The following CTNNA3 variants were observed in gnomAD, a reference collection of about 807,000 sequenced individuals.
CTNNA3 encodes catenin alpha-3.
CTNNA3 carries 76 observed loss-of-function variants against 95.7 expected under a neutral mutation model. That is an observed-to-expected ratio of 0.79 (90% CI 0.66 to 0.96). The LOEUF is 0.96. Among genes scored for constraint, CTNNA3 ranks in the 40% least tolerant of loss-of-function variants. The pLI is 0.00. For synonymous variants in CTNNA3, 431 were observed against 374.4 expected (o/e 1.15, Z -1.74); for missense variants, 1,191 against 1,089.8 (o/e 1.09, Z -1.31).
intron 7 of CTNNA3, among the ~76,000 whole-genome samples, chr10:66,858,951 T>C (rs1254415332): frequency 1.3e-5 from 2 of 152,070 alleles, no homozygotes; most frequent in African/African-American, 4.8e-5. Context: ...AAAAACTGCA[T>C]TCCAGATTGT....
intron 3 of CTNNA3, among the ~76,000 whole-genome samples, chr10:67,597,241 A>G (rs913421168): frequency 2.6e-5 from 4 of 152,184 alleles, no homozygotes; most frequent in Non-Finnish European, 5.9e-5. Context: ...TTGCCATCCA[A>G]ATTCTGAATT....
chr10:66,646,606 C>A (rs1381488485), intron 9 of CTNNA3, among the ~76,000 whole-genome samples: 1 of 152,110 alleles, frequency 6.6e-6, no homozygotes, highest in African/African-American at 2.4e-5. Flanking sequence ...TTAAGGTATA[C>A]TCTAAATTGC....
intron 7 of CTNNA3, among the ~76,000 whole-genome samples, chr10:67,087,859 T>C (rs555107787): frequency 6.6e-6 from 1 of 152,236 alleles, no homozygotes; most frequent in East Asian, 1.9e-4. Flanking sequence ...CAAGTATTCA[T>C]TCATTCAATA....
At chr10:67,342,843 C>T (rs1399030019) in intron 5 of CTNNA3, among the ~76,000 whole-genome samples, 2 of 152,156 alleles carry the variant, frequency 1.3e-5, no homozygotes, top group Non-Finnish European at 2.9e-5. Flanking sequence ...GTTACTATAG[C>T]TCTGTAGTAA....
intron 9 of CTNNA3, among the ~76,000 whole-genome samples, chr10:66,754,176 G>T (rs56410658): frequency 4.7e-4 from 71 of 152,274 alleles, no homozygotes; most frequent in Non-Finnish European, 9.9e-4. Context: ...CTGGCATAAA[G>T]GTTGACATAT....
chr10:67,339,881 AT>A (rs1383482295), intron 5 of CTNNA3, among the ~76,000 whole-genome samples: 1 of 152,172 alleles, frequency 6.6e-6, no homozygotes, highest in African/African-American at 2.4e-5. Context: ...CAGTTGGAAT[AT>A]GATGTTTATT....
chr10:66,032,752 T>C (rs1213650557), intron 15 of CTNNA3, among the ~76,000 whole-genome samples: 2 of 152,190 alleles, frequency 1.3e-5, no homozygotes, highest in African/African-American at 4.8e-5. Flanking sequence ...ATCATTTGTT[T>C]CATGAAATAT....
chr10:67,036,821 T>C (rs1488359707), intron 7 of CTNNA3, among the ~76,000 whole-genome samples: 1 of 151,832 alleles, frequency 6.6e-6, no homozygotes, highest in Non-Finnish European at 1.5e-5. Context: ...TAATTCTAAC[T>C]CTGGGAAATG....
chr10:67,334,904 T>G (rs1841933159), intron 5 of CTNNA3: 1 of 157,530 alleles, frequency 6.3e-6, no homozygotes, highest in Non-Finnish European at 1.4e-5. Flanking sequence ...ACTGTTGAGT[T>G]TTCTGTGCAC....
chr10:66,309,926 TAAATA>T (rs1214110736), intron 12 of CTNNA3, among the ~76,000 whole-genome samples: 1 of 109,098 alleles, frequency 9.2e-6, no homozygotes, highest in Non-Finnish European at 2.1e-5. Flanking sequence ...AATAAATAAA[TAAATA>T]AATAAATAAA....
At chr10:67,628,488 T>C (rs1839031864) in intron 2 of CTNNA3, among the ~76,000 whole-genome samples, 1 of 152,142 alleles carries the variant, frequency 6.6e-6, no homozygotes, top group Admixed American at 6.5e-5. Context: ...ACCTTCAAAT[T>C]CTAAAGTAAG....
intron 5 of CTNNA3, among the ~76,000 whole-genome samples, chr10:67,309,625 G>A (rs1295677542): frequency 4.6e-5 from 7 of 152,174 alleles, no homozygotes; most frequent in South Asian, 2.1e-4. Context: ...GAAAGAAGTC[G>A]TTATTATGTT....
At chr10:66,186,639 G>T (rs1274696844) in intron 13 of CTNNA3, among the ~76,000 whole-genome samples, 3 of 152,040 alleles carry the variant, frequency 2.0e-5, no homozygotes, top group African/African-American at 7.2e-5. Context: ...CTGAACTCAG[G>T]TTATTGTCAA....
chr10:66,145,110 T>C (rs994918886), intron 13 of CTNNA3, among the ~76,000 whole-genome samples: 1 of 152,164 alleles, frequency 6.6e-6, no homozygotes, highest in East Asian at 1.9e-4. Context: ...GACATCTTCA[T>C]TCATAAAGGA....
chr10:67,146,569 T>A (rs917897476), intron 7 of CTNNA3, among the ~76,000 whole-genome samples: 5 of 152,198 alleles, frequency 3.3e-5, no homozygotes, highest in African/African-American at 1.2e-4. Flanking sequence ...CAGTTAGTAA[T>A]CATTTGGGAC....
chr10:66,710,892 T>C (rs1196112672), intron 9 of CTNNA3, among the ~76,000 whole-genome samples: 1 of 152,072 alleles, frequency 6.6e-6, no homozygotes, highest in Non-Finnish European at 1.5e-5. Context: ...ATCAGGTATG[T>C]TGCAAATAAT....
chr10:66,295,189 C>CATT (rs35530010), intron 12 of CTNNA3, among the ~76,000 whole-genome samples: 19,972 of 152,082 alleles, frequency 0.13, 1,461 homozygotes, highest in East Asian at 0.28. Flanking sequence ...TATTTATTGA[C>CATT]ATTATTATTA....
At chr10:66,430,581 C>G (rs564456494) in intron 11 of CTNNA3, among the ~76,000 whole-genome samples, 33 of 152,038 alleles carry the variant, frequency 2.2e-4, no homozygotes, top group African/African-American at 5.5e-4. Context: ...CAGAACAGAG[C>G]CCTCAGAAAT....
At chr10:66,492,194 T>C (rs1328655968) in intron 11 of CTNNA3, among the ~76,000 whole-genome samples, 1 of 152,194 alleles carries the variant, frequency 6.6e-6, no homozygotes, top group African/African-American at 2.4e-5. Flanking sequence ...TTTTGCATAA[T>C]TCCCTTCATC....
Sources: allele counts gnomAD v4.1 joint callset (sites outside exome capture counted in the v4.1 genomes callset), GRCh38; gene constraint gnomAD v4.1.1; transcripts MANE v1.5; gene names NCBI Gene and HGNC (gene_info 2026-07-23, HGNC 2026-07-21).